CASD1: variants seen among roughly 807,000 people sequenced by gnomAD.
CASD1 encodes CAS1 domain sialic acid O acetyltransferase 1, also known as N-acetylneuraminate (7)9-O-acetyltransferase.
Under a neutral mutation model 100.0 loss-of-function variants are expected in CASD1, and 41 were observed. The observed-to-expected ratio is 0.41, with a 90% CI of 0.32 to 0.53. CASD1 has a LOEUF of 0.53. Among genes scored for constraint, CASD1 ranks in the 20% least tolerant of loss-of-function variants. The pLI is 0.25. For synonymous variants in CASD1, 321 were observed against 315.6 expected, an observed-to-expected ratio of 1.02 and a Z score of -0.18; for missense variants, 774 against 948.7, an observed-to-expected ratio of 0.82 and a Z score of 2.42.
the CASD1 span, among the ~76,000 whole-genome samples, chr7:94,615,887 T>C: frequency 6.6e-6 from 1 of 152,334 alleles, no homozygotes; most frequent in East Asian, 1.9e-4. Flanking sequence ...CACAAGGCCT[T>C]AGCCTCTGGC....
At chr7:94,597,681 G>A in the CASD1 span, 3 of 152,144 alleles carry the variant, frequency 2.0e-5, no homozygotes, top group Middle Eastern at 3.4e-3. Context: ...TAGTGCTTAG[G>A]GCAATTGAAT....
the CASD1 span, chr7:94,588,789 G>A: frequency 6.2e-7 from 1 of 1,607,960 alleles, no homozygotes; most frequent in Non-Finnish European, 8.5e-7. Flanking sequence ...TGTAAACAGA[G>A]AGCAGACATA....
the CASD1 span, chr7:94,585,566 CTT>C: frequency 3.8e-6 from 5 of 1,310,924 alleles, no homozygotes; most frequent in Non-Finnish European, 5.5e-6. Flanking sequence ...GGCATGGATA[CTT>C]TTAGATTTTG....
At chr7:94,510,933 A>T (rs1355706371) in intron 1 of CASD1, among the ~76,000 whole-genome samples, 1 of 152,252 alleles carries the variant, frequency 6.6e-6, no homozygotes, top group South Asian at 2.1e-4. Flanking sequence ...TGACAGGCGT[A>T]AAGGTGGGCA....
At chr7:94,519,623 T>C (rs1794155090) in intron 3 of CASD1, among the ~76,000 whole-genome samples, 1 of 152,160 alleles carries the variant, frequency 6.6e-6, no homozygotes, top group Admixed American at 6.5e-5. Context: ...AACATGAAAT[T>C]ATTACAATTT....
intron 5 of CASD1, among the ~76,000 whole-genome samples, chr7:94,529,285 T>C (rs1030999448): frequency 6.6e-6 from 1 of 152,202 alleles, no homozygotes; most frequent in African/African-American, 2.4e-5. Context: ...AATTAAACAT[T>C]AATACACTAC....
chr7:94,629,718 C>G, the CASD1 span: 1 of 1,610,664 alleles, frequency 6.2e-7, no homozygotes, highest in Non-Finnish European at 8.5e-7. Flanking sequence ...AAAGAACATA[C>G]CAGGTTTTGG....
downstream of CASD1, among the ~76,000 whole-genome samples, chr7:94,559,426 G>C (rs867559778): frequency 3.3e-5 from 5 of 151,986 alleles, no homozygotes; most frequent in African/African-American, 1.2e-4. Flanking sequence ...ATATGAAATG[G>C]AATAAAATAC....
the CASD1 span, among the ~76,000 whole-genome samples, chr7:94,580,334 T>C: frequency 6.6e-6 from 1 of 152,196 alleles, no homozygotes; most frequent in African/African-American, 2.4e-5. Context: ...TGCTTAGTCT[T>C]CGTTACTGCG....
At chr7:94,625,345 GAT>G in the CASD1 span, 2 of 152,004 alleles carry the variant, frequency 1.3e-5, no homozygotes, top group South Asian at 4.1e-4. Context: ...TTATATGAAA[GAT>G]ATGGTAAACT....
intron 13 of CASD1, among the ~76,000 whole-genome samples, chr7:94,548,304 T>C (rs1795775365): frequency 6.6e-6 from 1 of 151,804 alleles, no homozygotes; most frequent in Non-Finnish European, 1.5e-5. Flanking sequence ...ATAAGAAATT[T>C]TTAATTAGAG....
the CASD1 span, chr7:94,599,119 A>G: frequency 6.7e-6 from 4 of 597,520 alleles, no homozygotes; most frequent in African/African-American, 3.7e-5. Flanking sequence ...AAAGGCATAC[A>G]TCTCACATAC....
chr7:94,517,519 T>G (rs1794039170), intron 1 of CASD1, 41 bp from the exon 2 acceptor site: 5 of 1,295,662 alleles, frequency 3.9e-6, no homozygotes, highest in Non-Finnish European at 5.5e-6. Context: ...GTGTAAAATT[T>G]TAACTATTGT....
downstream of CASD1, among the ~76,000 whole-genome samples, chr7:94,561,584 G>A (rs940501169): frequency 2.0e-5 from 3 of 152,018 alleles, no homozygotes; most frequent in African/African-American, 4.8e-5. Context: ...ATCTGTCTGT[G>A]TGAGAGCACA....
At chr7:94,541,479 T>C (rs1053070898) in intron 10 of CASD1, among the ~76,000 whole-genome samples, 1 of 150,732 alleles carries the variant, frequency 6.6e-6, no homozygotes, top group African/African-American at 2.4e-5. Flanking sequence ...ATGTTGTAAA[T>C]TTAATACAAA....
chr7:94,570,619 T>G, the CASD1 span, among the ~76,000 whole-genome samples: 1 of 152,030 alleles, frequency 6.6e-6, no homozygotes, highest in Non-Finnish European at 1.5e-5. Context: ...CCCAGCCTCC[T>G]GAGTAGCTGG....
At chr7:94,511,356 G>A (rs118004829) in intron 1 of CASD1, among the ~76,000 whole-genome samples, 16 of 152,220 alleles carry the variant, frequency 1.1e-4, no homozygotes, top group Non-Finnish European at 2.1e-4. Context: ...CTCATCCCAG[G>A]AGATCTTTCA....
At chr7:94,572,991 T>C in the CASD1 span, among the ~76,000 whole-genome samples, 6 of 152,226 alleles carry the variant, frequency 3.9e-5, no homozygotes, top group Non-Finnish European at 8.8e-5. Flanking sequence ...TAGGGAGTCT[T>C]TTCCCCATTG....
chr7:94,630,901 C>G, the CASD1 span, among the ~76,000 whole-genome samples: 1 of 151,944 alleles, frequency 6.6e-6, no homozygotes, highest in African/African-American at 2.4e-5. Flanking sequence ...CACTGAACTA[C>G]ATTTTTCAGC....
Sources: allele counts gnomAD v4.1 joint callset (sites outside exome capture counted in the v4.1 genomes callset), GRCh38; gene constraint gnomAD v4.1.1; transcripts MANE v1.5; gene names NCBI Gene and HGNC (gene_info 2026-07-23, HGNC 2026-07-21).